RNF2: variants seen among roughly 807,000 people sequenced by gnomAD.
RNF2 encodes E3 ubiquitin-protein ligase RING2.
Under a neutral mutation model 37.2 loss-of-function variants are expected in RNF2, and 6 were observed. The ratio of observed to expected loss-of-function variants is 0.16; its 90% CI spans 0.09 to 0.32. RNF2 has a LOEUF of 0.32. RNF2 is among the 10% of genes least tolerant of loss of function. The pLI is 1.00. For missense variants in RNF2, 251 were observed against 404.0 expected, an observed-to-expected ratio of 0.62 and a Z score of 3.25; for synonymous variants, 133 against 132.7, an observed-to-expected ratio of 1.00 and a Z score of -0.02.
Position 185,074,910 on chromosome 1 carries a change from G to C in RNF2, c.-2-12642G>C, listed in dbSNP as rs1024874503. Among the ~76,000 whole-genome samples the C allele has an allele frequency of 2.6e-5, 4 of 152,118 alleles. No individual in the cohort carries two copies. The East Asian group carries it at 7.7e-4, about 29-fold the overall frequency. On this transcript the variant is annotated intron_variant, in intron 1 of 6. Coordinates refer to ENST00000367510, the MANE Select transcript of RNF2 (RefSeq NM_007212.4). ...TTGAGTATCCATGGATTTTGGTATC[G>C]GGGAGGGGGAGCTCAGAGGGTGTCC... is the stretch of plus-strand genomic sequence containing the variant.
At chr1:185,085,990 C>T (rs1415534535) in intron 1 of RNF2, among the ~76,000 whole-genome samples, 1 of 152,152 alleles carries the variant, frequency 6.6e-6, no homozygotes, top group Non-Finnish European at 1.5e-5. Flanking sequence ...CACAAGCATA[C>T]CCATACATGG....
chr1:185,047,226 A>G (rs1650145573), intron 1 of RNF2, among the ~76,000 whole-genome samples: 2 of 152,244 alleles, frequency 1.3e-5, no homozygotes, highest in Admixed American at 6.5e-5. Flanking sequence ...AGATTTACGA[A>G]GAAAAATTGC....
At position 185,061,787 on chromosome 1, in the gene RNF2, CTG is replaced by C. The variant is rs371427328; in HGVS notation, c.-3+16140_-3+16141del. 1.6e-3 allele frequency among the ~76,000 whole-genome samples: 244 copies of C among 152,322 alleles called. 2 individuals carry two copies. Among genetic ancestry groups the C allele is most frequent in the Middle Eastern group, 6.8e-3 (2 of 294 alleles). On this transcript the variant is annotated intron_variant, in intron 1 of 6. Coordinates refer to ENST00000367510, the MANE Select transcript of RNF2 (RefSeq NM_007212.4). ...ATTTTCTTAGCTCAGGAGAACAAGA[CTG>C]TTTTTAGGCAATGTACTGTCAGAAA...
Position 185,098,193 on chromosome 1 carries a change from C to T in RNF2, c.586C>T (p.Arg196Trp). 2 of 1,614,164 alleles carry T rather than the reference C, an allele frequency of 1.2e-6. No individual in the cohort carries two copies. Among genetic ancestry groups the T allele is most frequent in the Non-Finnish European group, 1.7e-6 (2 of 1,180,024 alleles). ...TCAGGAAGCAGGCCCTAGTAACAAA[C>T]GGACCAAAACATCTGATGATTCTGG... ...SNQEAGPSNK[R>W]TKTSDDSGLE... Residue 196 changes from arginine to tryptophan, a missense_variant, in exon 5 of 7, where the codon CGG (arginine) becomes TGG (tryptophan). Transcript: ENST00000367510.
chr1:185,093,418 C>T (rs893744319), intron 4 of RNF2, 142 bp downstream of exon 4: 1 of 672,796 alleles, frequency 1.5e-6, no homozygotes, highest in Non-Finnish European at 2.6e-6. Flanking sequence ...TAATACATGC[C>T]TCCAGGCATA....
At chr1:185,052,599 A>G (rs1025664552) in intron 1 of RNF2, among the ~76,000 whole-genome samples, 1 of 152,236 alleles carries the variant, frequency 6.6e-6, no homozygotes, top group African/African-American at 2.4e-5. Context: ...CTTTGGAGTA[A>G]TGGAAATGTT....
chr1:185,048,377 T>A (rs532369904), intron 1 of RNF2, among the ~76,000 whole-genome samples: 6 of 152,346 alleles, frequency 3.9e-5, no homozygotes, highest in African/African-American at 1.4e-4. Context: ...TAGTTATGTA[T>A]CTTGTTGGAT....
chr1:185,072,714 G>A (rs1189826666), intron 1 of RNF2, among the ~76,000 whole-genome samples: 1 of 152,150 alleles, frequency 6.6e-6, no homozygotes, highest in Non-Finnish European at 1.5e-5. Flanking sequence ...GCTGAGGCGG[G>A]CGGATCATGA....
intron 2 of RNF2, among the ~76,000 whole-genome samples, chr1:185,088,982 TTA>T (rs1651685518): frequency 1.4e-5 from 2 of 143,342 alleles, no homozygotes. Flanking sequence ...TTAAAGTAAT[TTA>T]GAGATGATTT....
rs140089272 is a variant in RNF2 at position 185,089,975 on chromosome 1, G to A, written c.88-1604G>A. Among the ~76,000 whole-genome samples the A allele has an allele frequency of 8.3e-3, 1,269 of 152,214 alleles. 18 individuals are homozygous for A. Among genetic ancestry groups the A allele is most frequent in the African/African-American group, 0.029 (1,191 of 41,560 alleles). On this transcript the variant is annotated intron_variant, in intron 2 of 6. Transcript: ENST00000367510. ...ATCGCTCTGTCACCTAGGCTGGCAT[G>A]CAGTGGCGTGATCGCGGCTCACTGC...
intron 1 of RNF2, among the ~76,000 whole-genome samples, chr1:185,073,746 G>A (rs1268510204): frequency 6.6e-6 from 1 of 152,200 alleles, no homozygotes; most frequent in Non-Finnish European, 1.5e-5. Flanking sequence ...GATAATAAAA[G>A]GGAAATGCAT....
intron 1 of RNF2, among the ~76,000 whole-genome samples, chr1:185,051,259 A>C (rs1252703163): frequency 6.6e-6 from 1 of 152,172 alleles, no homozygotes; most frequent in Non-Finnish European, 1.5e-5. Flanking sequence ...AACCCAGCCA[A>C]ATGTTTTCTA....
intron 1 of RNF2, among the ~76,000 whole-genome samples, chr1:185,083,722 C>G (rs1651497205): frequency 2.7e-5 from 4 of 145,622 alleles, no homozygotes; most frequent in Non-Finnish European, 6.1e-5. Context: ...ACTACAACCT[C>G]AGCCTCCTGA....
At position 185,065,184 on chromosome 1, in the gene RNF2, A is replaced by G. The variant is rs553371530; in HGVS notation, c.-3+19535A>G. On this transcript the variant is annotated intron_variant, in intron 1 of 6. Transcript: ENST00000367510. ...ACCAATCAGCCCTCTGTGTCTAGCT[A>G]AAGGATTGTAAATGCACCAGTCAGC... Among the ~76,000 whole-genome samples the G allele has an allele frequency of 1.1e-4, 17 of 152,286 alleles. No individual in the cohort carries two copies. In the South Asian group the frequency reaches 3.1e-3, roughly 28 times the overall value.
At chr1:185,093,443 T>A (rs901015373) in intron 4 of RNF2, among the ~76,000 whole-genome samples, 167 bp downstream of exon 4, 2 of 152,242 alleles carry the variant, frequency 1.3e-5, no homozygotes, top group African/African-American at 4.8e-5. Flanking sequence ...GGTATTTCAT[T>A]TAAAATACTA....
chr1:185,047,354 A>G (rs140911411), intron 1 of RNF2, among the ~76,000 whole-genome samples: 108 of 152,350 alleles, frequency 7.1e-4, no homozygotes, highest in African/African-American at 2.5e-3. Context: ...CAGACTTTCA[A>G]AATACTGGGA....
intron 1 of RNF2, chr1:185,045,983 G>A (rs1297746970): frequency 2.6e-5 from 4 of 152,122 alleles, no homozygotes; most frequent in African/African-American, 9.7e-5. Flanking sequence ...CCGGCGCTGC[G>A]GCGCGGTCCC....
chr1:185,089,147 G>C (rs12081098), intron 2 of RNF2, among the ~76,000 whole-genome samples: 77,184 of 151,870 alleles, frequency 0.51, 21,111 homozygotes, highest in African/African-American at 0.73. Context: ...GTCTAGATCC[G>C]TTGCATGTGC....
chr1:185,048,473 T>C (rs1305698183), intron 1 of RNF2, among the ~76,000 whole-genome samples: 1 of 152,264 alleles, frequency 6.6e-6, no homozygotes, highest in Non-Finnish European at 1.5e-5. Flanking sequence ...AGAATTAACA[T>C]GTTTGCCATT....
Sources: gnomAD v4.1 joint callset for allele counts (sites outside exome capture counted in the v4.1 genomes callset) on GRCh38, gnomAD v4.1.1 for gene constraint, MANE v1.5 for transcripts, NCBI Gene and HGNC (gene_info 2026-07-23, HGNC 2026-07-21) for gene names.